Variants in USP24 observed in about 807,000 individuals in gnomAD.
The protein encoded by USP24 is ubiquitin specific peptidase 24.
Under a neutral mutation model 361.6 loss-of-function variants are expected in USP24, and 97 were observed. The ratio of observed to expected loss-of-function variants is 0.27; its 90% CI spans 0.23 to 0.32. The LOEUF is 0.32. USP24 is among the 10% of genes least tolerant of loss of function. The pLI is 1.00. For synonymous variants in USP24, 1,098 were observed against 1,124.6 expected, an observed-to-expected ratio of 0.98 and a Z score of 0.47; for missense variants, 2,353 against 3,165.6, an observed-to-expected ratio of 0.74 and a Z score of 6.16.
chr1:55,193,927 C>T (rs532956267), intron 1 of USP24, among the ~76,000 whole-genome samples: 1 of 152,176 alleles, frequency 6.6e-6, no homozygotes, highest in Non-Finnish European at 1.5e-5. Flanking sequence ...AAATTTAAGT[C>T]AAGGTTTCTC....
chr1:55,129,350 T>C (rs1304836704), intron 32 of USP24, 127 bp downstream of exon 32: 2 of 620,526 alleles, frequency 3.2e-6, no homozygotes, highest in East Asian at 2.9e-5. Context: ...TCATTCCTTC[T>C]TATAATAACT....
At chr1:55,142,710 CAA>C in intron 23 of USP24, 30 bp downstream of exon 23, 2 of 1,395,216 alleles carry the variant, frequency 1.4e-6, no homozygotes, top group Non-Finnish European at 1.9e-6. Context: ...GCATTTACCT[CAA>C]AGAGATGTTA....
intron 2 of USP24, among the ~76,000 whole-genome samples, chr1:55,177,195 G>A (rs891203724): frequency 6.6e-6 from 1 of 151,652 alleles, no homozygotes; most frequent in African/African-American, 2.4e-5. Context: ...ACAAACCAAT[G>A]AACTCCATTA....
intron 16 of USP24, chr1:55,151,915 T>C: frequency 2.0e-6 from 2 of 985,798 alleles, no homozygotes; most frequent in Non-Finnish European, 2.4e-6. Flanking sequence ...GTCTTACCCT[T>C]TGCTTAGTTT....
chr1:55,127,501 T>G (rs1646467712), intron 32 of USP24, among the ~76,000 whole-genome samples: 1 of 152,240 alleles, frequency 6.6e-6, no homozygotes, highest in South Asian at 2.1e-4. Flanking sequence ...AAGTCTTTGC[T>G]ATTGTGAATA....
intron 3 of USP24, among the ~76,000 whole-genome samples, chr1:55,175,229 T>G (rs1249941917): frequency 1.5e-5 from 2 of 137,640 alleles, no homozygotes; most frequent in Non-Finnish European, 1.6e-5. Context: ...CTTTTTTTTT[T>G]TTTTTTTTTT....
intron 16 of USP24, 48 bp from the exon 17 acceptor site, chr1:55,148,618 A>AAG (rs1647105741): frequency 7.4e-7 from 1 of 1,349,224 alleles, no homozygotes; most frequent in Non-Finnish European, 1.0e-6. Context: ...AATAAACAGC[A>AAG]GATTCATTTA....
At chr1:55,165,287 TAGAGA>T (rs1250521603) in intron 7 of USP24, among the ~76,000 whole-genome samples, 1 of 152,098 alleles carries the variant, frequency 6.6e-6, no homozygotes, top group East Asian at 1.9e-4. Flanking sequence ...AATGATTAAT[TAGAGA>T]AAAGAATGAA....
chr1:55,174,928 C>T (rs1388960359), intron 3 of USP24, among the ~76,000 whole-genome samples: 2 of 152,100 alleles, frequency 1.3e-5, no homozygotes, highest in African/African-American at 4.8e-5. Context: ...CTGGGCCTAG[C>T]CAATTTTGGA....
At chr1:55,148,220 T>G (rs1000907156) in intron 17 of USP24, among the ~76,000 whole-genome samples, 1 of 151,062 alleles carries the variant, frequency 6.6e-6, no homozygotes, top group Non-Finnish European at 1.5e-5. Context: ...TTTTAAAAAC[T>G]GGCTTAACTA....
chr1:55,208,057 A>G (rs1362923812), intron 1 of USP24, among the ~76,000 whole-genome samples: 2 of 152,240 alleles, frequency 1.3e-5, no homozygotes, highest in Non-Finnish European at 2.9e-5. Context: ...GATTGTAAGA[A>G]TAATATTTAA....
At chr1:55,175,691 T>C (rs933624669) in intron 3 of USP24, among the ~76,000 whole-genome samples, 3 of 152,174 alleles carry the variant, frequency 2.0e-5, no homozygotes, top group Non-Finnish European at 2.9e-5. Context: ...CTTAGTTATA[T>C]GCTGGGGGAA....
At chr1:55,108,001 G>C (rs969918068) in intron 39 of USP24, among the ~76,000 whole-genome samples, 1 of 152,064 alleles carries the variant, frequency 6.6e-6, no homozygotes, top group Non-Finnish European at 1.5e-5. Flanking sequence ...CATATGCTGA[G>C]GCTATAAGAT....
At chr1:55,146,403 G>C (rs1284446637) in intron 19 of USP24, among the ~76,000 whole-genome samples, 1 of 152,158 alleles carries the variant, frequency 6.6e-6, no homozygotes, top group Non-Finnish European at 1.5e-5. Flanking sequence ...TATCACAATA[G>C]TGAAGCCTTT....
At chr1:55,082,248 G>A (rs1478849677) in intron 58 of USP24, among the ~76,000 whole-genome samples, 1 of 152,176 alleles carries the variant, frequency 6.6e-6, no homozygotes, top group African/African-American at 2.4e-5. Flanking sequence ...TGTGACCTTG[G>A]ACAACTTACT....
At chr1:55,214,709 C>T (rs1302475815) in intron 1 of USP24, 81 bp downstream of exon 1, 1 of 1,091,016 alleles carries the variant, frequency 9.2e-7, no homozygotes, top group African/African-American at 1.7e-5. Context: ...TCTCCCCACA[C>T]CAAGCCCAGC....
chr1:55,136,796 T>C (rs1299587702), intron 28 of USP24, among the ~76,000 whole-genome samples: 1 of 152,082 alleles, frequency 6.6e-6, no homozygotes. Context: ...GAAAAGGGTA[T>C]AAGGAGCTCA....
At chr1:55,147,993 C>T (rs1165032626) in intron 17 of USP24, among the ~76,000 whole-genome samples, 195 bp from the exon 18 acceptor site, 1 of 152,070 alleles carries the variant, frequency 6.6e-6, no homozygotes, top group Non-Finnish European at 1.5e-5. Flanking sequence ...TAATAAACTA[C>T]TAATGTTTTC....
intron 24 of USP24, among the ~76,000 whole-genome samples, 169 bp downstream of exon 24, chr1:55,141,447 A>T (rs1646887263): frequency 6.6e-6 from 1 of 152,214 alleles, no homozygotes; most frequent in Non-Finnish European, 1.5e-5. Flanking sequence ...AGAGGCACAG[A>T]TTCAGGGATG....
Sources: gnomAD v4.1 joint callset for allele counts (sites outside exome capture counted in the v4.1 genomes callset) on GRCh38, gnomAD v4.1.1 for gene constraint, MANE v1.5 for transcripts, NCBI Gene and HGNC (gene_info 2026-07-23, HGNC 2026-07-21) for gene names.